WDR36: variants seen among roughly 807,000 people sequenced by gnomAD.
The protein encoded by WDR36 is WD repeat-containing protein 36.
Under a neutral mutation model 112.7 loss-of-function variants are expected in WDR36, and 63 were observed. The ratio of observed to expected loss-of-function variants is 0.56; its 90% CI spans 0.46 to 0.69. The LOEUF (loss-of-function observed/expected upper bound fraction) is 0.69. Among genes scored for constraint, WDR36 ranks in the 30% least tolerant of loss-of-function variants. WDR36 has a pLI of 0.00. For synonymous variants in WDR36, 410 were observed against 362.2 expected, an observed-to-expected ratio of 1.13 and a Z score of -1.50; for missense variants, 1,226 against 1,070.3, an observed-to-expected ratio of 1.15 and a Z score of -2.03.
At position 111,105,350 on chromosome 5, in the gene WDR36, C is replaced by T. The variant is rs750091948; in HGVS notation, c.1083C>T (p.Ser361=). Residue 361 remains serine, a synonymous_variant, in exon 10 of 23, where the codon AGC becomes AGT. Transcript: ENST00000513710. ...CGGTACATGAAAAATTCAATAAGAG[C>T]TTGGGACATGGTAGGTCCTCTACAA... ...FSTVHEKFNK[S]LGHGLINKKR... 3 of 1,609,556 alleles carry T rather than the reference C, an allele frequency of 1.9e-6. No homozygotes were observed. The highest frequency in any genetic ancestry group is 1.3e-5 in the African/African-American group (1 of 74,646).
At chr5:111,108,987 C>T (rs1753272480) in intron 12 of WDR36, among the ~76,000 whole-genome samples, 2 of 151,300 alleles carry the variant, frequency 1.3e-5, no homozygotes, top group African/African-American at 4.8e-5. Context: ...AGAGCCTGTG[C>T]ACTAAAGTAC....
At chr5:111,098,455 C>T (rs1753040506) in intron 3 of WDR36, among the ~76,000 whole-genome samples, 1 of 152,096 alleles carries the variant, frequency 6.6e-6, no homozygotes, top group South Asian at 2.1e-4. Flanking sequence ...CCTCTCTAAC[C>T]CAAGATGGAA....
At position 111,103,912 on chromosome 5, in the gene WDR36, C is replaced by T. The variant is rs748219538; in HGVS notation, c.724C>T (p.Arg242Cys). The change falls in exon 7 of 23, where the codon CGC (arginine) becomes TGC (cysteine). Residue 242 changes from arginine (R) to cysteine (C), a missense_variant. Physicochemically the swap from Arg to Cys is radical, Grantham distance 180. Coordinates refer to ENST00000513710, the MANE Select transcript of WDR36 (RefSeq NM_139281.3). ...GGGACCCATTACTTCAATTTCATTTCGCACAGGTAACTTTTAACATACTTA... is the reference window on the plus strand; with the variant it reads ...GGGACCCATTACTTCAATTTCATTTTGCACAGGTAACTTTTAACATACTTA... ...DWGPITSISF[R>C]TDGHPVMAAG... The T allele has an allele frequency of 9.9e-6, 16 of 1,610,712 alleles. No homozygotes were observed. The highest frequency in any genetic ancestry group is 2.2e-5 in the South Asian group (2 of 90,984).
chr5:111,123,798 T>G lies in WDR36; in HGVS notation c.2149-7T>G. The G allele has an allele frequency of 6.2e-7, 1 of 1,613,356 alleles. No homozygotes were observed. Among genetic ancestry groups the G allele is most frequent in the Non-Finnish European group, 8.5e-7 (1 of 1,179,742 alleles). Reference sequence around the variant, plus strand: ...CCTATTTTTCTTTCTCATTTTCTCTTAATCAGAAAAAGAATAAACCAAAGG... The same window carrying G: ...CCTATTTTTCTTTCTCATTTTCTCTGAATCAGAAAAAGAATAAACCAAAGG... On this transcript the variant is annotated splice_region_variant and splice_polypyrimidine_tract_variant and intron_variant, in intron 19 of 22. Coordinates refer to ENST00000513710, the MANE Select transcript of WDR36 (RefSeq NM_139281.3).
Position 111,105,395 on chromosome 5 carries a change from G to A in WDR36, c.1093+35G>A, listed in dbSNP as rs144856618. Reference sequence around the variant, plus strand: ...CTACAAGACAAAATAAGCTGGTCACGAAAGAAACATTTCAACATTCTATGA... The same window carrying A: ...CTACAAGACAAAATAAGCTGGTCACAAAAGAAACATTTCAACATTCTATGA... On this transcript the variant is annotated intron_variant, in intron 10 of 22. Transcript: ENST00000513710. 7 of 1,571,820 alleles carry A rather than the reference G, an allele frequency of 4.5e-6. No individual in the cohort carries two copies. In the Admixed American group the frequency reaches 5.0e-5, roughly 11 times the overall value.
At chr5:111,125,268 G>A (rs958270291) in intron 21 of WDR36, among the ~76,000 whole-genome samples, 1 of 151,982 alleles carries the variant, frequency 6.6e-6, no homozygotes, top group Non-Finnish European at 1.5e-5. Flanking sequence ...ATCGTTATAG[G>A]CTTCTTAATT....
chr5:111,126,023 GC>G (rs1189785022), intron 22 of WDR36, among the ~76,000 whole-genome samples: 3 of 152,112 alleles, frequency 2.0e-5, no homozygotes, highest in Non-Finnish European at 4.4e-5. Flanking sequence ...ACCGCATGTG[GC>G]TAGTGACTAC....
chr5:111,098,966 AT>A, intron 4 of WDR36, 127 bp downstream of exon 4: 2 of 699,342 alleles, frequency 2.9e-6, no homozygotes, highest in Non-Finnish European at 4.9e-6. Context: ...AAAATCAAAA[AT>A]CTTTAACGTG....
At chr5:111,110,427 C>T (rs1471593503) in intron 13 of WDR36, 124 bp downstream of exon 13, 1 of 793,586 alleles carries the variant, frequency 1.3e-6, no homozygotes, top group Non-Finnish European at 2.1e-6. Flanking sequence ...TTATAATCAA[C>T]CCTATATGGC....
chr5:111,110,328 T>G, intron 13 of WDR36, 25 bp downstream of exon 13: 1 of 1,553,740 alleles, frequency 6.4e-7, no homozygotes. Flanking sequence ...TCCTTGTTTT[T>G]TATTAATGTA....
chr5:111,119,213 A>T, intron 17 of WDR36, 93 bp downstream of exon 17: 1 of 996,820 alleles, frequency 1.0e-6, no homozygotes, highest in South Asian at 1.3e-5. Context: ...GCTGTTTTTA[A>T]GTGTATTAAA....
At chr5:111,116,109 AT>A (rs397974407) in intron 16 of WDR36, among the ~76,000 whole-genome samples, 132 of 143,994 alleles carry the variant, frequency 9.2e-4, no homozygotes, top group Admixed American at 9.0e-4. Context: ...TGCCTGGCTA[AT>A]TTTTTTTTTT....
chr5:111,107,379 T>G lies in WDR36; in HGVS notation c.1266T>G (p.Ser422=). The G allele has an allele frequency of 1.9e-6, 3 of 1,610,634 alleles. No homozygotes were observed. Among genetic ancestry groups the G allele is most frequent in the Non-Finnish European group, 1.7e-6 (2 of 1,177,768 alleles). Residue 422 remains serine (S), a synonymous_variant, in exon 12 of 23, where the codon TCT becomes TCG. Coordinates refer to ENST00000513710, the MANE Select transcript of WDR36 (RefSeq NM_139281.3). ...GCTCAACCTGGAATTATCAGAAATC[T>G]ACAATAGGCGCTTACTTTCTCAAGC... ...LSCSTWNYQK[S]TIGAYFLKPK...
Position 111,127,842 on chromosome 5 carries a change from T to C in WDR36, c.*959T>C, listed in dbSNP as rs1753703887. 9.4e-6 allele frequency: 2 copies of C among 211,736 alleles called. No individual in the cohort carries two copies. The highest frequency in any genetic ancestry group is 4.5e-5 in the African/African-American group (2 of 44,156). 13.1% of individuals were successfully genotyped at this position (211,736 alleles called of 1,614,324 possible). On this transcript the variant is annotated 3_prime_UTR_variant, in exon 23 of 23. Coordinates refer to ENST00000513710, the MANE Select transcript of WDR36 (RefSeq NM_139281.3). ...AAATTCCATAAATCCTTGCAAACAA[T>C]TTTTAGCAATATTGTTTATTGCTAC...
intron 16 of WDR36, among the ~76,000 whole-genome samples, chr5:111,117,936 C>G (rs1753490000): frequency 6.6e-6 from 1 of 152,092 alleles, no homozygotes; most frequent in Non-Finnish European, 1.5e-5. Context: ...CTTCTTAAAT[C>G]TACCTCTTTT....
At chr5:111,121,911 T>C (rs761040339) in intron 19 of WDR36, among the ~76,000 whole-genome samples, 1 of 152,188 alleles carries the variant, frequency 6.6e-6, no homozygotes, top group Non-Finnish European at 1.5e-5. Context: ...CTAGATCTGC[T>C]GGATGTACTT....
At chr5:111,120,952 T>C (rs776855773) in intron 18 of WDR36, 44 bp from the exon 19 acceptor site, 1 of 1,539,678 alleles carries the variant, frequency 6.5e-7, no homozygotes, top group Non-Finnish European at 9.0e-7. Flanking sequence ...AAGTTGCTTT[T>C]ATATGATAAA....
At chr5:111,096,115 A>G (rs1292145683) in intron 2 of WDR36, among the ~76,000 whole-genome samples, 1 of 152,246 alleles carries the variant, frequency 6.6e-6, no homozygotes, top group Non-Finnish European at 1.5e-5. Context: ...CATGAAAAGT[A>G]CAACAATCCT....
At chr5:111,112,972 G>T (rs1753371177) in intron 15 of WDR36, 102 bp from the exon 16 acceptor site, 1 of 232,638 alleles carries the variant, frequency 4.3e-6, no homozygotes, top group Non-Finnish European at 7.4e-6. Flanking sequence ...ATTCTTTAAG[G>T]TGTTAACTAT....
Sources: gnomAD v4.1 joint callset for allele counts (sites outside exome capture counted in the v4.1 genomes callset) on GRCh38, gnomAD v4.1.1 for gene constraint, MANE v1.5 for transcripts, NCBI Gene and HGNC (gene_info 2026-07-23, HGNC 2026-07-21) for gene names.